The following DCTN1 variants were observed in gnomAD, a reference collection of about 807,000 sequenced individuals.
DCTN1 encodes the protein 150 kDa dynein-associated polypeptide.
In DCTN1, 61 loss-of-function variants were observed where a neutral mutation model predicts 161.2. The ratio of observed to expected loss-of-function variants is 0.38; its 90% CI spans 0.31 to 0.47. The LOEUF (loss-of-function observed/expected upper bound fraction) is 0.47. Ranked by LOEUF, DCTN1 falls within the 20% of genes least tolerant of loss-of-function variation. The pLI is 0.99. For synonymous variants in DCTN1, 653 were observed against 632.4 expected, an observed-to-expected ratio of 1.03 and a Z score of -0.49; for missense variants, 1,404 against 1,623.7, an observed-to-expected ratio of 0.86 and a Z score of 2.33.
Position 74,370,536 on chromosome 2 carries a change from C to T in DCTN1, c.1057G>A (p.Gly353Ser). 6.2e-7 allele frequency: 1 copy of T among 1,614,164 alleles called. No individual in the cohort carries two copies. The highest frequency in any genetic ancestry group is 8.5e-7 in the Non-Finnish European group (1 of 1,180,044). Residue 353 changes from glycine to serine, a missense_variant, in exon 11 of 32, where the codon GGC becomes AGC. Physicochemically the swap from Gly to Ser is moderately conservative, Grantham distance 56 (BLOSUM62 0). This residue lies in a region of DCTN1 where 278 missense variants were observed against 363.8 expected (regional missense o/e 0.76). Coordinates refer to ENST00000628224, the MANE Select transcript of DCTN1 (RefSeq NM_004082.5). The surrounding 1 kb of genome is among the most constrained non-coding windows in gnomAD (Gnocchi z 4.4). Reference protein sequence around the residue: ...KAEIEEKGSDGAASSYQLKQL... With the variant: ...KAEIEEKGSDSAASSYQLKQL... ...TTGAGCTGATAACTGGATGCAGCGC[C>T]ATCTGAGCCTGGAGAAGATCATTAA... is the stretch of plus-strand genomic sequence containing the variant.
At position 74,376,749 on chromosome 2, in the gene DCTN1, G is replaced by C; in HGVS notation, c.407C>G (p.Pro136Arg). 6.2e-7 allele frequency: 1 copy of C among 1,605,292 alleles called. No individual in the cohort carries two copies. Among genetic ancestry groups the C allele is most frequent in the Non-Finnish European group, 8.5e-7 (1 of 1,176,046 alleles). The part of the protein sequence containing the change: ...AKTSKLRGLK[P>R]KKAPTARKTT... ...AAATAGTAAACACACCACCTTCTTAGGCTTCAGTCCCCGCTGCATGAGGAG... is the reference window on the plus strand; with the variant it reads ...AAATAGTAAACACACCACCTTCTTACGCTTCAGTCCCCGCTGCATGAGGAG... The change falls in exon 5 of 32, where the codon CCT (proline) becomes CGT (arginine). Residue 136 changes from proline (P) to arginine (R), a missense_variant. By Grantham distance (103) the Pro-to-Arg change is moderately radical. Transcript: ENST00000628224.
At chr2:74,364,902 T>C (rs1395527126) in intron 26 of DCTN1, 173 bp downstream of exon 26, 1 of 767,020 alleles carries the variant, frequency 1.3e-6, no homozygotes, top group East Asian at 2.7e-5. Context: ...TCAGCACACA[T>C]CTTCAGCGGA....
intron 4 of DCTN1, 81 bp from the exon 5 acceptor site, chr2:74,376,843 G>C: frequency 7.6e-7 from 1 of 1,315,656 alleles, no homozygotes; most frequent in South Asian, 1.3e-5. Context: ...GGCTTACACA[G>C]GTTAGACGCG....
At chr2:74,365,789 C>T in intron 24 of DCTN1, 104 bp downstream of exon 24, 1 of 1,611,798 alleles carries the variant, frequency 6.2e-7, no homozygotes, top group East Asian at 2.2e-5. Flanking sequence ...CCCACTTCTC[C>T]CCTTAACTCC....
intron 27 of DCTN1, 23 bp from the exon 28 acceptor site, chr2:74,363,450 C>A (rs769109238): frequency 2.5e-6 from 4 of 1,611,242 alleles, no homozygotes; most frequent in East Asian, 2.2e-5. Flanking sequence ...TAAAAAATCT[C>A]ATCAGCCCCA....
At position 74,370,446 on chromosome 2, in the gene DCTN1, G is replaced by T. The variant is rs755830264; in HGVS notation, c.1127+20C>A. The T allele has an allele frequency of 3.7e-6, 6 of 1,614,124 alleles. 1 individual carries two copies. Among genetic ancestry groups the T allele is most frequent in the Non-Finnish European group, 5.1e-6 (6 of 1,179,974 alleles). ...GGAGACACAAGAGTAAGCATCAGAG[G>T]CAAGCACTGAAGACCCTACCTCACC... On this transcript the variant is annotated intron_variant, in intron 11 of 31. Coordinates refer to ENST00000628224, the MANE Select transcript of DCTN1 (RefSeq NM_004082.5). This position sits in a 1 kb window ranked among gnomAD's most constrained non-coding sequence, Gnocchi z 4.4.
In DCTN1 at chr2:74,380,033, G is replaced by A. The variant is rs1675439973; in HGVS notation, c.5C>T (p.Ala2Val). Residue 2 changes from alanine (A) to valine (V), a missense_variant, in exon 1 of 32, where the codon GCA becomes GTA. Transcript: ENST00000628224. MAQSKRHVYSRT... is the reference protein window; with the variant it reads MVQSKRHVYSRT... ...GCTGTACACGTGCCTCTTGCTCTGT[G>A]CCATGTTGCTCACCCGGCCTCTACC... is the stretch of plus-strand genomic sequence containing the variant. 3 of 1,614,126 alleles carry A rather than the reference G, an allele frequency of 1.9e-6. No individual in the cohort carries two copies. The highest frequency in any genetic ancestry group is 1.7e-6 in the Non-Finnish European group (2 of 1,180,010).
At chr2:74,376,050 T>C (rs1055203108) in intron 5 of DCTN1, among the ~76,000 whole-genome samples, 3 of 152,076 alleles carry the variant, frequency 2.0e-5, no homozygotes, top group Admixed American at 6.5e-5. Context: ...GAAGTGGTCA[T>C]GGCAGTGATC....
intron 18 of DCTN1, 29 bp downstream of exon 18, chr2:74,367,667 T>C (rs779108967): frequency 6.8e-6 from 11 of 1,613,908 alleles, no homozygotes; most frequent in East Asian, 6.7e-5. Context: ...CCCTGCCTCC[T>C]GCCCCAAGCC....
chr2:74,367,156 T>G, intron 19 of DCTN1, 49 bp from the exon 20 acceptor site: 1 of 1,609,740 alleles, frequency 6.2e-7, no homozygotes, highest in Non-Finnish European at 8.5e-7. Flanking sequence ...GGAGCCCTTC[T>G]GCCTTATCAA....
upstream of DCTN1, among the ~76,000 whole-genome samples, chr2:74,384,214 A>T (rs1383532651): frequency 6.6e-6 from 1 of 152,230 alleles, no homozygotes; most frequent in African/African-American, 2.4e-5. Flanking sequence ...TCAAAAATGA[A>T]CCTGTGATGT....
intron 1 of DCTN1, among the ~76,000 whole-genome samples, chr2:74,387,389 A>C (rs1454864949): frequency 6.6e-6 from 1 of 152,160 alleles, no homozygotes; most frequent in East Asian, 1.9e-4. Flanking sequence ...TACTGCCCCT[A>C]GACAGAAACT....
At position 74,363,604 on chromosome 2, in the gene DCTN1, G is replaced by A; in HGVS notation, c.3211+10C>T. ...CAGCCTGGTAACCCCCGGCCAGAGT[G>A]GGTCTCTACCTCGCTGCTGTTCTTC... is the stretch of plus-strand genomic sequence containing the variant. On this transcript the variant is annotated intron_variant, in intron 27 of 31. Transcript: ENST00000628224. The A allele has an allele frequency of 1.2e-6, 2 of 1,613,592 alleles. No individual in the cohort carries two copies. Among genetic ancestry groups the A allele is most frequent in the South Asian group, 1.1e-5 (1 of 90,854 alleles).
In DCTN1 at chr2:74,376,730, T is replaced by G. The variant is rs1379713632; in HGVS notation, c.414+12A>C. The stretch of plus-strand genomic sequence containing the variant: ...CCCCCATCCACCCAGGCACAAATAG[T>G]AAACACACCACCTTCTTAGGCTTCA... On this transcript the variant is annotated intron_variant, in intron 5 of 31. Coordinates refer to ENST00000628224, the MANE Select transcript of DCTN1 (RefSeq NM_004082.5). 3 of 1,603,430 alleles carry G rather than the reference T, an allele frequency of 1.9e-6. No individual in the cohort carries two copies. The highest frequency in any genetic ancestry group is 2.6e-6 in the Non-Finnish European group (3 of 1,175,102).
At chr2:74,373,235 T>G in intron 6 of DCTN1, 7 of 499,464 alleles carry the variant, frequency 1.4e-5, no homozygotes, top group Admixed American at 6.4e-5. Flanking sequence ...AGTCCATCTC[T>G]AGGCTGAGCC....
intron 26 of DCTN1, chr2:74,364,146 T>C (rs1674229582): frequency 5.6e-6 from 1 of 178,924 alleles, no homozygotes; most frequent in Non-Finnish European, 1.2e-5. Flanking sequence ...AGAGTGCTAA[T>C]GTTTGTTTCA....
Position 74,374,307 on chromosome 2 carries a change from G to C in DCTN1, c.432+16C>G. 2 of 1,612,364 alleles carry C rather than the reference G, an allele frequency of 1.2e-6. No individual in the cohort carries two copies. Among genetic ancestry groups the C allele is most frequent in the Non-Finnish European group, 1.7e-6 (2 of 1,179,072 alleles). ...CCCTGGCAACCCAGCAGCAGGACGA[G>C]AGCAAGCAAGAGTACCTTTCGGGCT... On this transcript the variant is annotated intron_variant, in intron 6 of 31. Coordinates refer to ENST00000628224, the MANE Select transcript of DCTN1 (RefSeq NM_004082.5).
At chr2:74,376,680 G>GGACA (rs750758675) in intron 5 of DCTN1, 62 bp downstream of exon 5, 208 of 1,500,820 alleles carry the variant, frequency 1.4e-4, no homozygotes, top group Non-Finnish European at 1.9e-4. Context: ...GGGACATGCA[G>GGACA]GACAGCTGGG....
upstream of DCTN1, among the ~76,000 whole-genome samples, chr2:74,383,262 T>C (rs752455049): frequency 1.8e-4 from 27 of 152,250 alleles, no homozygotes; most frequent in Non-Finnish European, 3.5e-4. Flanking sequence ...TATCAAACTA[T>C]AAGCCTTTTG....
Sources: allele counts gnomAD v4.1 joint callset (sites outside exome capture counted in the v4.1 genomes callset), GRCh38; gene constraint gnomAD v4.1.1; regional missense constraint gnomAD v4.1.1; non-coding constraint Gnocchi (gnomAD v3.1); transcripts MANE v1.5; gene names NCBI Gene and HGNC (gene_info 2026-07-23, HGNC 2026-07-21).